DLG2: variants seen among roughly 807,000 people sequenced by gnomAD.
DLG2 encodes disks large homolog 2.
In DLG2, 45 loss-of-function variants were observed where a neutral mutation model predicts 132.5. The observed-to-expected ratio is 0.34, with a 90% confidence interval of 0.27 to 0.44. The LOEUF is 0.44. Ranked by LOEUF, DLG2 falls within the 20% of genes least tolerant of loss-of-function variation. The pLI, the probability that DLG2 is intolerant of heterozygous loss-of-function variation, is 1.00. For synonymous variants in DLG2, 424 were observed against 419.6 expected (o/e 1.01, Z -0.13); for missense variants, 1,045 against 1,196.9 (o/e 0.87, Z 1.87).
At chr11:84,076,658 C>T (rs922083840) in intron 10 of DLG2, among the ~76,000 whole-genome samples, 5 of 152,124 alleles carry the variant, frequency 3.3e-5, no homozygotes, top group Non-Finnish European at 5.9e-5. Flanking sequence ...CTGACTGAAC[C>T]CAACCCTCCA....
chr11:84,359,955 G>A (rs71469646), intron 7 of DLG2, among the ~76,000 whole-genome samples: 2 of 151,748 alleles, frequency 1.3e-5, no homozygotes, highest in Non-Finnish European at 2.9e-5. Flanking sequence ...CTTAAGACTA[G>A]AGAAAAAAAT....
chr11:84,819,269 A>T (rs1396278010), intron 6 of DLG2, among the ~76,000 whole-genome samples: 3 of 151,892 alleles, frequency 2.0e-5, no homozygotes, highest in Non-Finnish European at 4.4e-5. Context: ...ATATAAAGCT[A>T]CTGCTTCTTC....
intron 18 of DLG2, among the ~76,000 whole-genome samples, chr11:83,717,903 T>C (rs967850085): frequency 1.3e-5 from 2 of 152,180 alleles, no homozygotes; most frequent in African/African-American, 4.8e-5. Flanking sequence ...GGGTTATATC[T>C]TTTCTGTGTC....
intron 4 of DLG2, among the ~76,000 whole-genome samples, chr11:85,171,189 T>A (rs758491252): frequency 6.6e-6 from 1 of 151,966 alleles, no homozygotes. Flanking sequence ...AGGAAGCGAA[T>A]TCTGTACCTT....
At chr11:83,938,215 A>G (rs2081925838) in intron 14 of DLG2, among the ~76,000 whole-genome samples, 1 of 152,248 alleles carries the variant, frequency 6.6e-6, no homozygotes, top group Non-Finnish European at 1.5e-5. Flanking sequence ...AGTTAAATAC[A>G]AAATTGTATA....
intron 17 of DLG2, among the ~76,000 whole-genome samples, chr11:83,825,074 TATATATACACAC>T (rs1565218682): frequency 2.4e-4 from 36 of 148,656 alleles, no homozygotes; most frequent in African/African-American, 8.1e-4. Context: ...TATATACACA[TATATATACACAC>T]ATATATATAC....
At chr11:84,563,984 T>A (rs1475085564) in intron 6 of DLG2, among the ~76,000 whole-genome samples, 1 of 152,106 alleles carries the variant, frequency 6.6e-6, no homozygotes, top group African/African-American at 2.4e-5. Flanking sequence ...AATCATTTAC[T>A]CAAAAAAATA....
At chr11:83,645,640 C>T (rs974514097) in intron 18 of DLG2, 4 of 152,024 alleles carry the variant, frequency 2.6e-5, no homozygotes, top group African/African-American at 9.7e-5. Flanking sequence ...AAGAAAAAAT[C>T]CCAAGCAAGC....
intron 3 of DLG2, among the ~76,000 whole-genome samples, chr11:85,402,803 C>T (rs990533822): frequency 4.6e-5 from 7 of 152,098 alleles, no homozygotes; most frequent in Admixed American, 6.6e-5. Context: ...TGCCATCTCA[C>T]GCCAGTTAGA....
At chr11:85,027,615 G>A (rs576760681) in intron 6 of DLG2, among the ~76,000 whole-genome samples, 5 of 152,350 alleles carry the variant, frequency 3.3e-5, no homozygotes, top group South Asian at 2.1e-4. Context: ...GCACAGCCAC[G>A]CATGCTAGCT....
At chr11:85,142,058 T>C (rs953383695) in intron 5 of DLG2, among the ~76,000 whole-genome samples, 1 of 151,848 alleles carries the variant, frequency 6.6e-6, no homozygotes, top group Admixed American at 6.6e-5. Flanking sequence ...ACTGGTTCCA[T>C]ACAAATTTTA....
chr11:84,970,105 G>A (rs192542393), intron 6 of DLG2, among the ~76,000 whole-genome samples: 6 of 152,018 alleles, frequency 3.9e-5, no homozygotes, highest in African/African-American at 7.2e-5. Context: ...ACCATGGCAC[G>A]TGTATACCCA....
intron 6 of DLG2, among the ~76,000 whole-genome samples, chr11:84,781,936 G>A (rs1197482477): frequency 6.6e-6 from 1 of 152,104 alleles, no homozygotes; most frequent in Non-Finnish European, 1.5e-5. Context: ...ACAGACCTAG[G>A]ATGCAAGAAG....
intron 4 of DLG2, among the ~76,000 whole-genome samples, chr11:85,229,883 C>T (rs185426462): frequency 6.6e-6 from 1 of 152,098 alleles, no homozygotes; most frequent in Non-Finnish European, 1.5e-5. Context: ...GCAAACTACA[C>T]AGGAACAGAA....
intron 6 of DLG2, among the ~76,000 whole-genome samples, chr11:84,726,850 A>G (rs952091094): frequency 7.9e-5 from 12 of 152,154 alleles, no homozygotes; most frequent in Non-Finnish European, 1.5e-4. Context: ...TTCTCTAATA[A>G]CCAGTGATAA....
At chr11:84,583,050 C>G (rs1228848772) in intron 6 of DLG2, among the ~76,000 whole-genome samples, 1 of 152,156 alleles carries the variant, frequency 6.6e-6, no homozygotes, top group Non-Finnish European at 1.5e-5. Flanking sequence ...TTCAAGCTTC[C>G]TTTTGAGGTC....
intron 19 of DLG2, among the ~76,000 whole-genome samples, chr11:83,583,848 A>G (rs1035228260): frequency 6.6e-6 from 1 of 152,246 alleles, no homozygotes; most frequent in Non-Finnish European, 1.5e-5. Flanking sequence ...AAAATGCAAA[A>G]TTCAACAGAA....
intron 6 of DLG2, among the ~76,000 whole-genome samples, chr11:84,879,465 T>G (rs1390270210): frequency 6.6e-6 from 1 of 151,904 alleles, no homozygotes; most frequent in Non-Finnish European, 1.5e-5. Context: ...CAGGACAGAG[T>G]GGTTAGCAGG....
intron 5 of DLG2, among the ~76,000 whole-genome samples, chr11:85,117,169 G>A (rs1357952949): frequency 1.3e-5 from 2 of 152,000 alleles, no homozygotes; most frequent in Non-Finnish European, 2.9e-5. Flanking sequence ...TATAGGGTGG[G>A]CTGCTGTAAA....
Sources: allele counts gnomAD v4.1 joint callset (sites outside exome capture counted in the v4.1 genomes callset), GRCh38; gene constraint gnomAD v4.1.1; transcripts MANE v1.5; gene names NCBI Gene and HGNC (gene_info 2026-07-23, HGNC 2026-07-21).